Variants in DLGAP4 observed in about 807,000 individuals in gnomAD.
The protein encoded by DLGAP4 is DLG associated protein 4, also known as disks large-associated protein 4.
A neutral mutation model predicts 86.9 loss-of-function variants in DLGAP4; 18 were observed. That is an observed-to-expected ratio of 0.21 (90% confidence interval 0.14 to 0.31). DLGAP4 has a LOEUF of 0.31. Ranked by LOEUF, DLGAP4 falls within the 10% of genes least tolerant of loss-of-function variation. The pLI is 1.00. For missense variants in DLGAP4, 1,085 were observed against 1,362.6 expected (o/e 0.80, Z 3.21); for synonymous variants, 548 against 574.3 (o/e 0.95, Z 0.65).
chr20:36,432,075 A>G lies in DLGAP4; in HGVS notation c.358A>G (p.Ser120Gly), dbSNP rs1400201651. 4 of 1,614,056 alleles carry G rather than the reference A, an allele frequency of 2.5e-6. No homozygotes were observed. The highest frequency in any genetic ancestry group is 3.4e-6 in the Non-Finnish European group (4 of 1,180,050). Residue 120 changes from serine (S) to glycine (G), a missense_variant, in exon 3 of 13, where the codon AGC becomes GGC. By Grantham distance (56) the Ser-to-Gly change is moderately conservative. Coordinates refer to ENST00000339266, the MANE Select transcript of DLGAP4 (RefSeq NM_001365621.2). The surrounding 1 kb of genome is among the most constrained non-coding windows in gnomAD (Gnocchi z 6.5). Reference protein sequence around the residue: ...KQLPIHRDGFSTLQFPRGEAK... With the variant: ...KQLPIHRDGFGTLQFPRGEAK... ...GCTGCCCATCCACCGTGATGGCTTC[A>G]GCACCCTCCAATTTCCCCGTGGCGA... is the stretch of plus-strand genomic sequence containing the variant.
intron 2 of DLGAP4, among the ~76,000 whole-genome samples, chr20:36,371,922 G>T (rs1341733998): frequency 6.6e-6 from 1 of 152,142 alleles, no homozygotes. Context: ...TCTTTCCTGA[G>T]TTTTAGGACT....
intron 7 of DLGAP4, among the ~76,000 whole-genome samples, chr20:36,482,380 C>A (rs1368363098): frequency 6.6e-6 from 1 of 152,182 alleles, no homozygotes; most frequent in African/African-American, 2.4e-5. Context: ...AGTCAGCCCT[C>A]CATTGACATC....
chr20:36,499,529 GTT>G, intron 8 of DLGAP4, 57 bp from the exon 9 acceptor site: 1 of 1,543,292 alleles, frequency 6.5e-7, no homozygotes, highest in Non-Finnish European at 8.9e-7. Flanking sequence ...CAAGTGTGGT[GTT>G]TGTTTTTTAT....
intron 1 of DLGAP4, among the ~76,000 whole-genome samples, chr20:36,363,464 G>A (rs2030586669): frequency 6.6e-6 from 1 of 152,212 alleles, no homozygotes; most frequent in Admixed American, 6.5e-5. Flanking sequence ...GGTGACAGTG[G>A]CTCGGTCCAC....
intron 1 of DLGAP4, among the ~76,000 whole-genome samples, chr20:36,341,872 G>A (rs1282937654): frequency 3.3e-5 from 5 of 152,236 alleles, no homozygotes; most frequent in African/African-American, 1.2e-4. Flanking sequence ...CCAGCACTCA[G>A]TGGGCACCAC....
At chr20:36,339,428 C>A (rs2065354957) in intron 1 of DLGAP4, among the ~76,000 whole-genome samples, 1 of 152,134 alleles carries the variant, frequency 6.6e-6, no homozygotes, top group African/African-American at 2.4e-5. Context: ...CTGTCTGTAG[C>A]CCAGGCTGGA....
At chr20:36,407,937 G>A (rs1046482685) in intron 2 of DLGAP4, among the ~76,000 whole-genome samples, 2 of 152,176 alleles carry the variant, frequency 1.3e-5, no homozygotes, top group African/African-American at 4.8e-5. Context: ...TCAGGAAGAT[G>A]TGGACAGTGG....
At chr20:36,498,961 T>C (rs2036002343) in intron 8 of DLGAP4, 1 of 417,802 alleles carries the variant, frequency 2.4e-6, no homozygotes, top group Non-Finnish European at 4.4e-6. Context: ...CACCCAGTGC[T>C]AAAGGTAACC....
intron 1 of DLGAP4, among the ~76,000 whole-genome samples, chr20:36,351,404 C>G (rs565549734): frequency 2.0e-5 from 3 of 152,096 alleles, no homozygotes; most frequent in Middle Eastern, 3.4e-3. Context: ...CATAGGAGCT[C>G]GAACCCTATT....
At chr20:36,351,976 G>A (rs1555893501) in intron 1 of DLGAP4, among the ~76,000 whole-genome samples, 1 of 152,170 alleles carries the variant, frequency 6.6e-6, no homozygotes, top group Non-Finnish European at 1.5e-5. Context: ...AGGACAAAGT[G>A]CGAGGAAGCC....
intron 4 of DLGAP4, among the ~76,000 whole-genome samples, chr20:36,438,539 A>T (rs1469029013): frequency 6.7e-6 from 1 of 149,968 alleles, no homozygotes; most frequent in East Asian, 2.0e-4. Flanking sequence ...CAGTTTCCCA[A>T]TCTGAATAAT....
intron 6 of DLGAP4, among the ~76,000 whole-genome samples, chr20:36,443,132 G>A (rs1324799371): frequency 2.0e-5 from 3 of 152,172 alleles, no homozygotes; most frequent in Non-Finnish European, 4.4e-5. Context: ...CAGGGGCTGG[G>A]GGCTGATGAT....
chr20:36,311,238 G>GGC (rs1225404975), intron 1 of DLGAP4, among the ~76,000 whole-genome samples: 1 of 151,400 alleles, frequency 6.6e-6, no homozygotes, highest in Admixed American at 6.6e-5. Context: ...GAGGGTGGGG[G>GGC]GGGTGGACCC....
At chr20:36,370,519 G>A (rs1390232865) in intron 2 of DLGAP4, among the ~76,000 whole-genome samples, 2 of 151,982 alleles carry the variant, frequency 1.3e-5, no homozygotes, top group South Asian at 2.1e-4. Flanking sequence ...GGAGTGGGAC[G>A]TTCCTAGGGA....
chr20:36,314,370 G>GT (rs2065079720), intron 1 of DLGAP4, among the ~76,000 whole-genome samples: 2 of 28,068 alleles, frequency 7.1e-5, no homozygotes, highest in African/African-American at 2.1e-4. Context: ...GTGTGTGTGT[G>GT]GNNNNNNNNN....
Position 36,335,698 on chromosome 20 carries a change from T to C in DLGAP4, c.-304+29186T>C, listed in dbSNP as rs556313478. On this transcript the variant is annotated intron_variant, in intron 1 of 12. Transcript: ENST00000339266. ...CCGAACGTGCAGGAGGTTTGACCCG[T>C]CTTTGCCTTTGCACATGCTGTTTCC... is the stretch of plus-strand genomic sequence containing the variant. Among the ~76,000 whole-genome samples the C allele has an allele frequency of 9.9e-5, 15 of 152,268 alleles. No homozygotes were observed. The East Asian group carries it at 2.5e-3, about 26-fold the overall frequency.
chr20:36,356,481 A>T (rs1012567015), intron 1 of DLGAP4, among the ~76,000 whole-genome samples: 1 of 151,856 alleles, frequency 6.6e-6, no homozygotes, highest in African/African-American at 2.4e-5. Flanking sequence ...CCAGCTAATT[A>T]TTGTATTTTT....
rs2065020570 is a variant in DLGAP4 at position 36,308,030 on chromosome 20, C to A, written c.-304+1518C>A. 6.6e-6 allele frequency among the ~76,000 whole-genome samples: 1 copy of A among 152,202 alleles called. No homozygotes were observed. Among genetic ancestry groups the A allele is most frequent in the African/African-American group, 2.4e-5 (1 of 41,446 alleles). On this transcript the variant is annotated intron_variant, in intron 1 of 12. Transcript: ENST00000339266. The surrounding 1 kb of genome is among the most constrained non-coding windows in gnomAD (Gnocchi z 4.5). ...CCGATGGGTGGCTGGAGTGTTGGAG[C>A]CACCACCAGGCCCTAGAGCCGGCTG...
At chr20:36,331,532 C>G (rs782093465) in intron 1 of DLGAP4, among the ~76,000 whole-genome samples, 2 of 152,354 alleles carry the variant, frequency 1.3e-5, no homozygotes, top group African/African-American at 4.8e-5. Context: ...CCAGCCTCAG[C>G]CTGGACTCAC....
Sources: gnomAD v4.1 joint callset for allele counts (sites outside exome capture counted in the v4.1 genomes callset) on GRCh38, gnomAD v4.1.1 for gene constraint, Gnocchi (gnomAD v3.1) non-coding constraint, MANE v1.5 for transcripts, NCBI Gene and HGNC (gene_info 2026-07-23, HGNC 2026-07-21) for gene names.